The following UTRN variants were observed in gnomAD, a reference collection of about 807,000 sequenced individuals.
UTRN encodes the protein dystrophin-related protein 1.
In UTRN, 283 loss-of-function variants were observed where a neutral mutation model predicts 463.9. The observed-to-expected ratio is 0.61, with a 90% CI of 0.55 to 0.67. UTRN has a LOEUF of 0.67. Ranked by LOEUF, UTRN falls within the 30% of genes least tolerant of loss-of-function variation. The pLI, the probability that UTRN is intolerant of heterozygous loss-of-function variation, is 0.00. For missense variants in UTRN, 3,922 were observed against 4,084.3 expected, an observed-to-expected ratio of 0.96 and a Z score of 1.08; for synonymous variants, 1,442 against 1,431.5, an observed-to-expected ratio of 1.01 and a Z score of -0.17.
intron 51 of UTRN, among the ~76,000 whole-genome samples, chr6:144,585,208 TTTTGGG>T (rs1279837826): frequency 2.0e-5 from 3 of 152,128 alleles, no homozygotes; most frequent in Admixed American, 2.0e-4. Flanking sequence ...CAGAAGTGCT[TTTTGGG>T]AAGACTTCTT....
chr6:144,548,345 C>T (rs1465635071), intron 46 of UTRN, among the ~76,000 whole-genome samples: 1 of 151,946 alleles, frequency 6.6e-6, no homozygotes, highest in Non-Finnish European at 1.5e-5. Context: ...ATCATCTTGC[C>T]AAAATAAAAT....
rs1311931612 is a variant in UTRN, at chr6:144,757,313, T to C, written c.8435-616T>C. Among the ~76,000 whole-genome samples the C allele has an allele frequency of 2.6e-5, 4 of 151,058 alleles. No individual in the cohort carries two copies. In the East Asian group the frequency reaches 7.9e-4, roughly 30 times the overall value. ...GTCATAGTAAGGTCTAGTGCAAAAG[T>C]AGGAGACTGGGCTCTCTGTATGTTT... On this transcript the variant is annotated intron_variant, in intron 57 of 74. Transcript: ENST00000367545.
At chr6:144,297,442 A>G (rs1011537585) in intron 2 of UTRN, among the ~76,000 whole-genome samples, 2 of 152,240 alleles carry the variant, frequency 1.3e-5, no homozygotes, top group Non-Finnish European at 2.9e-5. Context: ...TCTTGAGGAA[A>G]GACAGTGGTT....
intron 52 of UTRN, among the ~76,000 whole-genome samples, chr6:144,694,201 A>G (rs1448539613): frequency 7.5e-6 from 1 of 134,120 alleles, no homozygotes; most frequent in Non-Finnish European, 1.7e-5. Context: ...ATTGATTTGT[A>G]TATGTTGAAC....
chr6:144,822,719 T>G (rs1315904632), intron 66 of UTRN, among the ~76,000 whole-genome samples: 2 of 152,128 alleles, frequency 1.3e-5, no homozygotes, highest in Non-Finnish European at 1.5e-5. Flanking sequence ...TTTGTCTTAG[T>G]ATCTAATATA....
intron 72 of UTRN, among the ~76,000 whole-genome samples, chr6:144,839,920 C>A (rs979004015): frequency 6.6e-6 from 1 of 152,054 alleles, no homozygotes; most frequent in Non-Finnish European, 1.5e-5. Flanking sequence ...GGTGGGATAT[C>A]TTTTGGTACA....
At chr6:144,380,781 C>T (rs1279162916) in intron 2 of UTRN, among the ~76,000 whole-genome samples, 1 of 152,086 alleles carries the variant, frequency 6.6e-6, no homozygotes, top group African/African-American at 2.4e-5. Flanking sequence ...CATTGCACTC[C>T]AGCCTGAAGC....
intron 37 of UTRN, among the ~76,000 whole-genome samples, chr6:144,515,855 G>A (rs1175830513): frequency 6.6e-6 from 1 of 152,194 alleles, no homozygotes; most frequent in Non-Finnish European, 1.5e-5. Context: ...TCTGTGAGGT[G>A]TCCCTGCCCT....
chr6:144,795,414 A>G (rs764526809), intron 63 of UTRN, among the ~76,000 whole-genome samples: 2 of 152,124 alleles, frequency 1.3e-5, no homozygotes, highest in Non-Finnish European at 2.9e-5. Flanking sequence ...GTCAAATGGT[A>G]TTTCTGGTTC....
At chr6:144,708,357 TA>T (rs1785302238) in intron 53 of UTRN, 3 of 659,792 alleles carry the variant, frequency 4.5e-6, no homozygotes, top group African/African-American at 3.6e-5. Flanking sequence ...ACTGAATCGA[TA>T]AAAAAGAGTG....
At chr6:144,795,492 T>C (rs763908098) in intron 63 of UTRN, among the ~76,000 whole-genome samples, 121 of 152,324 alleles carry the variant, frequency 7.9e-4, no homozygotes, top group Non-Finnish European at 1.5e-3. Context: ...CCACCAACAG[T>C]GTAAAAGCAT....
At chr6:144,377,442 T>C (rs1286583255) in intron 2 of UTRN, among the ~76,000 whole-genome samples, 6 of 152,180 alleles carry the variant, frequency 3.9e-5, no homozygotes. Context: ...ATCTATTAAG[T>C]TAAAATCTGT....
chr6:144,558,558 C>A (rs1799585294), intron 50 of UTRN, among the ~76,000 whole-genome samples: 1 of 152,020 alleles, frequency 6.6e-6, no homozygotes, highest in Non-Finnish European at 1.5e-5. Flanking sequence ...GTGCAGCACA[C>A]CGACATGGCA....
intron 1 of UTRN, among the ~76,000 whole-genome samples, chr6:144,290,520 G>C (rs1049065465): frequency 6.6e-6 from 1 of 152,146 alleles, no homozygotes; most frequent in African/African-American, 2.4e-5. Flanking sequence ...TCAATTGCAT[G>C]ATGCCCCATG....
At chr6:144,646,693 A>G (rs1032934343) in intron 51 of UTRN, among the ~76,000 whole-genome samples, 5 of 152,146 alleles carry the variant, frequency 3.3e-5, no homozygotes, top group Admixed American at 2.0e-4. Flanking sequence ...CAAACTGGGA[A>G]AGCAAATGTA....
chr6:144,333,953 A>G (rs751436170), intron 2 of UTRN, among the ~76,000 whole-genome samples: 9 of 152,206 alleles, frequency 5.9e-5, no homozygotes, highest in Non-Finnish European at 8.8e-5. Flanking sequence ...AGGCACTGTG[A>G]TAGTCACTAG....
At chr6:144,625,193 C>G (rs889790248) in intron 51 of UTRN, among the ~76,000 whole-genome samples, 1 of 152,130 alleles carries the variant, frequency 6.6e-6, no homozygotes, top group African/African-American at 2.4e-5. Context: ...GTGAATGTAA[C>G]GTTTCAAATA....
intron 2 of UTRN, among the ~76,000 whole-genome samples, chr6:144,353,047 G>C (rs1487488757): frequency 1.3e-5 from 2 of 151,980 alleles, no homozygotes; most frequent in Non-Finnish European, 2.9e-5. Flanking sequence ...GGGTCAAGCA[G>C]TCCTCCCACC....
intron 51 of UTRN, among the ~76,000 whole-genome samples, chr6:144,665,450 G>A (rs1334548676): frequency 4.4e-5 from 6 of 135,424 alleles, no homozygotes; most frequent in African/African-American, 1.7e-4. Flanking sequence ...TTATAATCAA[G>A]TAGTAGCTTG....
Sources: gnomAD v4.1 joint callset for allele counts (sites outside exome capture counted in the v4.1 genomes callset) on GRCh38, gnomAD v4.1.1 for gene constraint, MANE v1.5 for transcripts, NCBI Gene and HGNC (gene_info 2026-07-23, HGNC 2026-07-21) for gene names.